Variants in ESRRG observed in about 807,000 individuals in gnomAD.
ESRRG encodes estrogen related receptor gamma.
ESRRG carries 13 observed loss-of-function variants against 44.0 expected under a neutral mutation model. The observed-to-expected ratio is 0.30, with a 90% CI of 0.19 to 0.47. The LOEUF (loss-of-function observed/expected upper bound fraction) is 0.47, where lower values mean the gene tolerates loss of function less well. Among genes scored for constraint, ESRRG ranks in the 20% least tolerant of loss-of-function variants. ESRRG has a pLI of 1.00. For missense variants in ESRRG, 395 were observed against 580.6 expected (o/e 0.68, Z 3.29); for synonymous variants, 215 against 214.6 (o/e 1.00, Z -0.02).
intron 1 of ESRRG, among the ~76,000 whole-genome samples, chr1:216,681,278 T>C (rs2076982989): frequency 6.6e-6 from 1 of 152,140 alleles, no homozygotes. Flanking sequence ...TTAGTTTCTA[T>C]ATGAGACACT....
chr1:216,740,935 T>G (rs1265862268), intron 2 of ESRRG, among the ~76,000 whole-genome samples: 1 of 151,780 alleles, frequency 6.6e-6, no homozygotes, highest in Non-Finnish European at 1.5e-5. Flanking sequence ...TTTTTCCACC[T>G]TCTGAATTTA....
At chr1:216,615,634 T>C (rs2061320905) in intron 3 of ESRRG, among the ~76,000 whole-genome samples, 1 of 152,174 alleles carries the variant, frequency 6.6e-6, no homozygotes, top group African/African-American at 2.4e-5. Flanking sequence ...TAGACCTTTT[T>C]ATCCTCTCCA....
At chr1:216,995,351 C>T (rs1440238765) in intron 1 of ESRRG, among the ~76,000 whole-genome samples, 1 of 152,224 alleles carries the variant, frequency 6.6e-6, no homozygotes, top group Non-Finnish European at 1.5e-5. Context: ...CTCCATGATA[C>T]TACCAGAGTG....
upstream of ESRRG, among the ~76,000 whole-genome samples, chr1:216,726,464 G>A (rs1395035589): frequency 2.6e-5 from 4 of 152,036 alleles, no homozygotes; most frequent in African/African-American, 4.8e-5. Context: ...GGATAATCAT[G>A]GGAAATAAAT....
chr1:216,757,675 C>T (rs900413035), intron 2 of ESRRG, among the ~76,000 whole-genome samples: 1 of 151,998 alleles, frequency 6.6e-6, no homozygotes, highest in Non-Finnish European at 1.5e-5. Flanking sequence ...AATTTACAAT[C>T]TAACAACCTT....
At chr1:216,516,426 G>A (rs908513905) in intron 6 of ESRRG, among the ~76,000 whole-genome samples, 1 of 151,960 alleles carries the variant, frequency 6.6e-6, no homozygotes, top group Admixed American at 6.6e-5. Flanking sequence ...CCAGTTGCCT[G>A]TTTTCCAAGC....
At chr1:216,608,340 T>C (rs904213559) in intron 3 of ESRRG, among the ~76,000 whole-genome samples, 3 of 152,210 alleles carry the variant, frequency 2.0e-5, no homozygotes, top group African/African-American at 4.8e-5. Flanking sequence ...CCTGGTCTCA[T>C]TGCTTTTGGG....
At chr1:217,103,201 G>A (rs757739802) in intron 1 of ESRRG, among the ~76,000 whole-genome samples, 2 of 152,086 alleles carry the variant, frequency 1.3e-5, no homozygotes, top group Non-Finnish European at 2.9e-5. Flanking sequence ...GAAGTTGATC[G>A]AGAGTAGAGG....
intron 1 of ESRRG, among the ~76,000 whole-genome samples, chr1:217,010,774 G>A (rs76960234): frequency 0.013 from 2,011 of 152,242 alleles, 35 homozygotes; most frequent in African/African-American, 0.045. Flanking sequence ...CAAAGACCAG[G>A]AAAACAATGA....
Position 216,723,251 on chromosome 1 carries a change from C to G in ESRRG, c.49G>C (p.Glu17Gln), listed in dbSNP as rs573749790. ...AAGAAAAAAGGTACCTACTCTTCCT[C>G]GTAGTGCAGGGAAAAAGATTCAGGA... Reference protein sequence around the residue: ...CLPESFSLHYEEELLCRMSNK... With the variant: ...CLPESFSLHYQEELLCRMSNK... Residue 17 changes from glutamate (E) to glutamine (Q), a missense_variant, in exon 1 of 7, where the codon GAG (glutamate) becomes CAG (glutamine). By Grantham distance (29) the Glu-to-Gln change is conservative. Around this residue, in one of 5 missense-constraint regions of ESRRG, gnomAD observed 148 missense variants for 150.4 expected, o/e 0.98. Transcript: ENST00000408911. The G allele has an allele frequency of 1.2e-6, 2 of 1,612,902 alleles. No individual in the cohort carries two copies. The highest frequency in any genetic ancestry group is 1.7e-6 in the Non-Finnish European group (2 of 1,179,194).
At chr1:216,943,516 T>C (rs2065585764) in intron 1 of ESRRG, among the ~76,000 whole-genome samples, 1 of 152,322 alleles carries the variant, frequency 6.6e-6, no homozygotes, top group Admixed American at 6.5e-5. Flanking sequence ...AGCATGACAG[T>C]GGAACTCAAC....
chr1:216,967,828 C>A (rs975903696), intron 1 of ESRRG, among the ~76,000 whole-genome samples: 1 of 152,020 alleles, frequency 6.6e-6, no homozygotes, highest in African/African-American at 2.4e-5. Context: ...TCTTCTAAAC[C>A]AAAGTGACTA....
At chr1:216,815,938 A>T (rs2095122662) in intron 2 of ESRRG, among the ~76,000 whole-genome samples, 1 of 152,144 alleles carries the variant, frequency 6.6e-6, no homozygotes. Context: ...ACACACACAC[A>T]CAGGAAGTGG....
chr1:216,968,701 C>CTT (rs3072232), intron 1 of ESRRG, among the ~76,000 whole-genome samples: 20,451 of 141,778 alleles, frequency 0.14, 1,655 homozygotes, highest in Middle Eastern at 0.25. Flanking sequence ...TAGTATGGGT[C>CTT]TTTTTTTTTT....
At chr1:217,020,791 T>C (rs1328128974) in intron 1 of ESRRG, among the ~76,000 whole-genome samples, 1 of 152,214 alleles carries the variant, frequency 6.6e-6, no homozygotes, top group Non-Finnish European at 1.5e-5. Context: ...ATTATGAAGC[T>C]ACGTGATGTC....
intron 3 of ESRRG, among the ~76,000 whole-genome samples, chr1:216,572,973 G>T (rs1274656576): frequency 2.0e-5 from 3 of 151,778 alleles, no homozygotes; most frequent in Non-Finnish European, 4.4e-5. Flanking sequence ...ATGAAGAGAG[G>T]TCAGATAAAG....
chr1:216,848,392 T>C (rs2095792205), intron 2 of ESRRG, among the ~76,000 whole-genome samples: 1 of 145,336 alleles, frequency 6.9e-6, no homozygotes. Context: ...GATATGAATT[T>C]CTTGGCTTTT....
intron 3 of ESRRG, among the ~76,000 whole-genome samples, chr1:216,592,407 G>A (rs2057806477): frequency 1.3e-5 from 2 of 151,904 alleles, no homozygotes; most frequent in Non-Finnish European, 2.9e-5. Flanking sequence ...ATTACCTCCA[G>A]TGGATCTTGA....
intron 2 of ESRRG, among the ~76,000 whole-genome samples, chr1:216,655,243 G>T (rs1355816003): frequency 6.6e-6 from 1 of 152,098 alleles, no homozygotes; most frequent in East Asian, 1.9e-4. Context: ...TTGTATTACG[G>T]CTGGTTTGGA....
Sources: allele counts gnomAD v4.1 joint callset (sites outside exome capture counted in the v4.1 genomes callset), GRCh38; gene constraint gnomAD v4.1.1; regional missense constraint gnomAD v4.1.1; transcripts MANE v1.5; gene names NCBI Gene and HGNC (gene_info 2026-07-23, HGNC 2026-07-21).